Variants in ATP13A5 observed in about 807,000 individuals in gnomAD.
ATP13A5 encodes probable cation-transporting ATPase 13A5.
In ATP13A5, 149 loss-of-function variants were observed where a neutral mutation model predicts 150.2. The ratio of observed to expected loss-of-function variants is 0.99; its 90% confidence interval spans 0.87 to 1.14. ATP13A5 has a LOEUF of 1.14. Among genes scored for constraint, ATP13A5 ranks in the 50% most tolerant of loss-of-function variants. ATP13A5 has a pLI of 0.00. For synonymous variants in ATP13A5, 497 were observed against 522.2 expected (o/e 0.95, Z 0.66); for missense variants, 1,383 against 1,449.3 (o/e 0.95, Z 0.74).
intron 26 of ATP13A5, among the ~76,000 whole-genome samples, chr3:193,288,042 A>G (rs952063280): frequency 6.6e-6 from 1 of 152,152 alleles, no homozygotes; most frequent in Non-Finnish European, 1.5e-5. Context: ...TTAGAAGTGG[A>G]GCCTGAAGAT....
chr3:193,285,093 C>A lies in ATP13A5; in HGVS notation c.3047G>T (p.Ser1016Ile), dbSNP rs778117458. The change falls in exon 27 of 30, where the codon AGT becomes ATT. Residue 1016 changes from serine (S) to isoleucine (I), a missense_variant. By Grantham distance (142) the Ser-to-Ile change is moderately radical (BLOSUM62 -2). Transcript: ENST00000342358. ...CAAACTCACATTTGTTGAAAAATTA[C>A]TTTGGTTGGCCAGAAAACACTCACT... Reference protein sequence around the residue: ...QYSECFLANQSNFSTNVSLER... With the variant: ...QYSECFLANQINFSTNVSLER... 2.5e-6 allele frequency: 4 copies of A among 1,613,752 alleles called. No homozygotes were observed. The highest frequency in any genetic ancestry group is 1.7e-5 in the Admixed American group (1 of 59,976).
At chr3:193,305,773 T>A in intron 22 of ATP13A5, 105 bp from the exon 23 acceptor site, 1 of 937,924 alleles carries the variant, frequency 1.1e-6, no homozygotes, top group African/African-American at 1.8e-5. Context: ...AACACTGTAC[T>A]GTTTCATCTT....
Position 193,363,334 on chromosome 3 carries a change from A to G in ATP13A5, c.286T>C (p.Ser96Pro), listed in dbSNP as rs748395557. Residue 96 changes from serine (S) to proline (P), a missense_variant, in exon 3 of 30, where the codon TCC becomes CCC. Ser to Pro is a moderately conservative substitution (Grantham distance 74, BLOSUM62 -1). Coordinates refer to ENST00000342358, the MANE Select transcript of ATP13A5 (RefSeq NM_198505.4). ...MRKKVFCLYLSTLKFPVSKKW... is the reference protein window; with the variant it reads ...MRKKVFCLYLPTLKFPVSKKW... ...TTGCTTACAGGAAACTTCAGTGTGG[A>G]TAAGTAGAGGCAGAATACCTTCTTC... is the stretch of plus-strand genomic sequence containing the variant. 6.2e-7 allele frequency: 1 copy of G among 1,613,760 alleles called. No individual in the cohort carries two copies. Among genetic ancestry groups the G allele is most frequent in the Non-Finnish European group, 8.5e-7 (1 of 1,179,766 alleles).
Position 193,275,297 on chromosome 3 carries a change from G to A in ATP13A5, c.3402C>T (p.Ser1134=), listed in dbSNP as rs1717140912. 2 of 1,612,162 alleles carry A rather than the reference G, an allele frequency of 1.2e-6. No homozygotes were observed. The highest frequency in any genetic ancestry group is 1.7e-5 in the Admixed American group (1 of 59,800). ...GCCAGAGTTCATGATTTTGAAGGAT[G>A]GAATCCTGAAAAATCAGATGGGAAA... ...QFCVAFFVED[S]ILQNHELWLL... Residue 1134 remains serine, a synonymous_variant, in exon 30 of 30, where the codon TCC becomes TCT. Coordinates refer to ENST00000342358, the MANE Select transcript of ATP13A5 (RefSeq NM_198505.4).
At chr3:193,285,927 T>G (rs1364319014) in intron 26 of ATP13A5, among the ~76,000 whole-genome samples, 2 of 152,230 alleles carry the variant, frequency 1.3e-5, no homozygotes, top group Non-Finnish European at 2.9e-5. Flanking sequence ...TTGCAATTCT[T>G]TATTTACATA....
intron 9 of ATP13A5, among the ~76,000 whole-genome samples, 174 bp downstream of exon 9, chr3:193,343,753 G>A (rs187837076): frequency 1.3e-5 from 2 of 152,188 alleles, no homozygotes; most frequent in Admixed American, 6.5e-5. Flanking sequence ...TTCTTATATT[G>A]TTAAACATTT....
rs750305911 is a variant in ATP13A5, at chr3:193,364,146, G to T, written c.198C>A (p.Cys66Ter). The T allele has an allele frequency of 1.9e-6, 3 of 1,614,014 alleles. 1 individual carries two copies. Among genetic ancestry groups the T allele is most frequent in the East Asian group, 2.2e-5 (1 of 44,880 alleles). ...AAACAGTGTCTGCTTCTTGCAAGGG[G>T]CATGGGATGCAGTTGGCCCACACTC... ...QWRVWANCIP[C>*]PLQEADTVLL... Residue 66 changes from cysteine (C) to a stop codon, truncating the protein, a stop_gained, in exon 2 of 30, where the codon TGC becomes TGA. Coordinates refer to ENST00000342358, the MANE Select transcript of ATP13A5 (RefSeq NM_198505.4). LOFTEE classifies it high-confidence loss of function.
At chr3:193,331,505 G>A (rs974710789) in intron 11 of ATP13A5, among the ~76,000 whole-genome samples, 194 bp from the exon 12 acceptor site, 1 of 152,102 alleles carries the variant, frequency 6.6e-6, no homozygotes, top group African/African-American at 2.4e-5. Context: ...AAGCTTGACT[G>A]TTGGCTTATG....
chr3:193,290,139 T>C, intron 25 of ATP13A5, 80 bp from the exon 26 acceptor site: 1 of 1,387,732 alleles, frequency 7.2e-7, no homozygotes, highest in East Asian at 2.5e-5. Flanking sequence ...CATATTATCT[T>C]GAGTCTGGCA....
chr3:193,350,991 T>C (rs546866926), intron 7 of ATP13A5, 76 bp downstream of exon 7: 13 of 1,528,162 alleles, frequency 8.5e-6, no homozygotes, highest in Non-Finnish European at 1.2e-5. Context: ...AACTCCTGGC[T>C]CTCAGTGGAA....
intron 7 of ATP13A5, among the ~76,000 whole-genome samples, chr3:193,345,943 ATGTT>A (rs560737115): frequency 2.0e-5 from 3 of 152,034 alleles, no homozygotes; most frequent in Admixed American, 2.0e-4. Context: ...GTGTCTGTGA[ATGTT>A]TGGGTTGTGT....
intron 5 of ATP13A5, among the ~76,000 whole-genome samples, chr3:193,354,798 C>T (rs894371199): frequency 8.6e-5 from 13 of 151,916 alleles, no homozygotes; most frequent in Non-Finnish European, 1.8e-4. Context: ...TTACCATTAA[C>T]AAAGTTTTTA....
At chr3:193,335,200 G>C (rs1174990376) in intron 9 of ATP13A5, 101 bp from the exon 10 acceptor site, 3 of 1,057,276 alleles carry the variant, frequency 2.8e-6, no homozygotes, top group Non-Finnish European at 4.2e-6. Flanking sequence ...CAACTAATCC[G>C]GTCTTAATGC....
Position 193,345,715 on chromosome 3 carries a change from A to G in ATP13A5, c.742-640T>C, listed in dbSNP as rs74394631. Among the ~76,000 whole-genome samples, 1,195 of 152,240 alleles carry G rather than the reference A, an allele frequency of 7.8e-3. 19 individuals carry two copies. Among genetic ancestry groups the G allele is most frequent in the African/African-American group, 0.027 (1,112 of 41,540 alleles). ...TCAATCTTGTCTATTAAGTTAGGTT[A>G]AGGTTGGTCCACAAGGACTCAAATA... On this transcript the variant is annotated intron_variant, in intron 7 of 29. Transcript: ENST00000342358.
intron 6 of ATP13A5, among the ~76,000 whole-genome samples, chr3:193,353,512 T>C (rs891513156): frequency 2.6e-5 from 4 of 152,326 alleles, no homozygotes; most frequent in African/African-American, 9.6e-5. Context: ...ACTGAACATT[T>C]GTGTCCCCTC....
chr3:193,338,199 C>T (rs1228333455), intron 9 of ATP13A5, among the ~76,000 whole-genome samples: 1 of 152,180 alleles, frequency 6.6e-6, no homozygotes, highest in Admixed American at 6.5e-5. Flanking sequence ...TTTACTTCCT[C>T]TTTTTCTAAT....
At chr3:193,369,528 T>C (rs769397919) in intron 1 of ATP13A5, among the ~76,000 whole-genome samples, 3 of 152,168 alleles carry the variant, frequency 2.0e-5, no homozygotes, top group Non-Finnish European at 4.4e-5. Flanking sequence ...ATTCTTCTGA[T>C]GTAGTCAGAG....
chr3:193,353,155 G>A (rs1288222856), intron 6 of ATP13A5, among the ~76,000 whole-genome samples: 2 of 152,120 alleles, frequency 1.3e-5, no homozygotes, highest in East Asian at 3.9e-4. Flanking sequence ...GCCTCAAGCT[G>A]GCTAAGGGCA....
chr3:193,351,522 G>T (rs1280246658), intron 6 of ATP13A5, among the ~76,000 whole-genome samples: 1 of 152,138 alleles, frequency 6.6e-6, no homozygotes, highest in Non-Finnish European at 1.5e-5. Context: ...GACTCATAAT[G>T]GGGGAGGTAC....
Sources: allele counts gnomAD v4.1 joint callset (sites outside exome capture counted in the v4.1 genomes callset), GRCh38; gene constraint gnomAD v4.1.1; transcripts MANE v1.5; gene names NCBI Gene and HGNC (gene_info 2026-07-23, HGNC 2026-07-21).